Variants in SLC71A1 observed in about 807,000 individuals in gnomAD.
The protein encoded by SLC71A1 is solute carrier family 71 member 1, also known as hippocampus abundant gene transcript 1.
the SLC71A1 span, among the ~76,000 whole-genome samples, chr1:100,048,559 G>C: frequency 6.6e-6 from 1 of 152,076 alleles, no homozygotes; most frequent in African/African-American, 2.4e-5. Flanking sequence ...TCCTGAAACT[G>C]CTCCATTGTC....
At chr1:100,072,592 A>C in the SLC71A1 span, among the ~76,000 whole-genome samples, 5 of 152,102 alleles carry the variant, frequency 3.3e-5, no homozygotes, top group Admixed American at 1.3e-4. Flanking sequence ...AAAAAAAAAA[A>C]AACTTAAAAA....
the SLC71A1 span, among the ~76,000 whole-genome samples, chr1:100,040,736 A>T: frequency 6.6e-6 from 1 of 152,148 alleles, no homozygotes; most frequent in Non-Finnish European, 1.5e-5. Flanking sequence ...CAGGGATTAC[A>T]GGTGTGAGCC....
At chr1:100,077,386 T>C in the SLC71A1 span, 1 of 632,682 alleles carries the variant, frequency 1.6e-6, no homozygotes, top group Non-Finnish European at 2.8e-6. Flanking sequence ...ATACTATGCT[T>C]TTTATCTTTC....
chr1:100,069,568 A>G, the SLC71A1 span: 150 of 1,186,688 alleles, frequency 1.3e-4, no homozygotes, highest in African/African-American at 7.7e-4. Flanking sequence ...TCTATCTGGT[A>G]TACATTTGTA....
At chr1:100,078,762 T>G in the SLC71A1 span, 1 of 422,392 alleles carries the variant, frequency 2.4e-6, no homozygotes, top group Non-Finnish European at 4.2e-6. Flanking sequence ...GCTTATCTGT[T>G]CTGTTCATAG....
the SLC71A1 span, chr1:100,060,016 A>T: frequency 6.3e-7 from 1 of 1,590,450 alleles, no homozygotes; most frequent in Non-Finnish European, 8.6e-7. Context: ...GTATGTGCAC[A>T]TTTAGATTAT....
the SLC71A1 span, among the ~76,000 whole-genome samples, chr1:100,054,359 C>G: frequency 1.3e-5 from 2 of 152,168 alleles, no homozygotes; most frequent in South Asian, 4.1e-4. Context: ...ATTACAGGCA[C>G]CTGCCACCAT....
At chr1:100,066,238 A>G in the SLC71A1 span, among the ~76,000 whole-genome samples, 1 of 152,206 alleles carries the variant, frequency 6.6e-6, no homozygotes. Flanking sequence ...TTAACATATT[A>G]TTCATGAGAA....
At chr1:100,053,762 G>T in the SLC71A1 span, among the ~76,000 whole-genome samples, 1 of 152,154 alleles carries the variant, frequency 6.6e-6, no homozygotes, top group South Asian at 2.1e-4. Context: ...AACAAAAGCT[G>T]TGTTTTGTGG....
the SLC71A1 span, among the ~76,000 whole-genome samples, chr1:100,057,571 T>A: frequency 6.6e-6 from 1 of 152,060 alleles, no homozygotes. Flanking sequence ...GCCAGGCTGG[T>A]CTTGAACTCC....
At chr1:100,059,792 A>G in the SLC71A1 span, 6 of 1,252,492 alleles carry the variant, frequency 4.8e-6, no homozygotes, top group Non-Finnish European at 6.5e-6. Flanking sequence ...AAGTTGTTGA[A>G]AATTTTTCTA....
the SLC71A1 span, among the ~76,000 whole-genome samples, chr1:100,060,725 C>T: frequency 2.0e-5 from 3 of 151,760 alleles, no homozygotes; most frequent in African/African-American, 7.3e-5. Context: ...AGTCTGGACT[C>T]AAGGCCACCT....
chr1:100,068,246 G>A, the SLC71A1 span: 1 of 1,379,884 alleles, frequency 7.2e-7, no homozygotes, highest in Non-Finnish European at 1.0e-6. Context: ...ATGATTCAGT[G>A]CAGCATTAAT....
At chr1:100,057,894 G>A in the SLC71A1 span, 19 of 152,322 alleles carry the variant, frequency 1.2e-4, no homozygotes, top group African/African-American at 4.3e-4. Flanking sequence ...GATAATAGAA[G>A]CATTAGTTTC....
the SLC71A1 span, among the ~76,000 whole-genome samples, chr1:100,069,915 G>C: frequency 2.4e-4 from 37 of 152,260 alleles, no homozygotes; most frequent in Admixed American, 4.6e-4. Flanking sequence ...TGTATACTAG[G>C]ATATATGTCT....
At chr1:100,066,717 T>TGC in the SLC71A1 span, among the ~76,000 whole-genome samples, 8 of 151,988 alleles carry the variant, frequency 5.3e-5, no homozygotes, top group Non-Finnish European at 1.0e-4. Flanking sequence ...AGGCCGGGCA[T>TGC]GGTGGCTCAC....
the SLC71A1 span, among the ~76,000 whole-genome samples, chr1:100,076,825 C>T: frequency 6.6e-6 from 1 of 152,296 alleles, no homozygotes; most frequent in African/African-American, 2.4e-5. Context: ...TGGACCTAAA[C>T]AAGCTTTAAG....
At chr1:100,082,038 A>T in the SLC71A1 span, 1 of 1,613,462 alleles carries the variant, frequency 6.2e-7, no homozygotes, top group Non-Finnish European at 8.5e-7. Flanking sequence ...TCCTATTTGG[A>T]GCCTGTTCAG....
the SLC71A1 span, among the ~76,000 whole-genome samples, chr1:100,067,478 G>T: frequency 3.3e-5 from 5 of 152,094 alleles, no homozygotes; most frequent in African/African-American, 4.8e-5. Context: ...TTTAAGGCAA[G>T]AATCTAATTC....
Sources: allele counts gnomAD v4.1 joint callset (sites outside exome capture counted in the v4.1 genomes callset), GRCh38; gene constraint gnomAD v4.1.1; transcripts MANE v1.5; gene names NCBI Gene and HGNC (gene_info 2026-07-23, HGNC 2026-07-21).